PHF20L1: variants seen among roughly 807,000 people sequenced by gnomAD.
PHF20L1 encodes PHD finger protein 20 like 1.
A neutral mutation model predicts 125.5 loss-of-function variants in PHF20L1; 44 were observed. The ratio of observed to expected loss-of-function variants is 0.35; its 90% confidence interval spans 0.28 to 0.45. The LOEUF (loss-of-function observed/expected upper bound fraction) is 0.45. PHF20L1 is among the 20% of genes least tolerant of loss of function. PHF20L1 has a pLI of 1.00. For synonymous variants in PHF20L1, 380 were observed against 403.1 expected, an observed-to-expected ratio of 0.94 and a Z score of 0.69; for missense variants, 1,012 against 1,217.2, an observed-to-expected ratio of 0.83 and a Z score of 2.51.
chr8:132,839,258 T>TA (rs1837684218), intron 17 of PHF20L1, 129 bp from the exon 18 acceptor site: 1 of 708,502 alleles, frequency 1.4e-6, no homozygotes, highest in Admixed American at 2.3e-5. Flanking sequence ...AACGCTGTCT[T>TA]ACTCTTTTTG....
rs1411595405 is a variant in PHF20L1 at position 132,847,496 on chromosome 8, C to CTA, written c.*1573_*1574insTA. 6.6e-6 allele frequency: 1 copy of CTA among 152,512 alleles called. No homozygotes were observed. The highest frequency in any genetic ancestry group is 1.5e-5 in the Non-Finnish European group (1 of 67,998). 9.4% of individuals were successfully genotyped at this position (152,512 alleles called of 1,614,324 possible). On this transcript the variant is annotated 3_prime_UTR_variant, in exon 21 of 21. Coordinates refer to ENST00000395386, the MANE Select transcript of PHF20L1 (RefSeq NM_016018.5). The stretch of plus-strand genomic sequence containing the variant: ...TTTGATAAGAATACATGCCACTGTA[C>CTA]ATTCAGATATTATTTAAATTTGCAA...
rs1284818867 is a variant in PHF20L1, at chr8:132,810,895, A to C, written c.848-151A>C. 9.9e-6 allele frequency: 6 copies of C among 603,388 alleles called. No individual in the cohort carries two copies. The Admixed American group carries it at 1.6e-4, about 16-fold the overall frequency. 37.4% of individuals were successfully genotyped at this position (603,388 alleles called of 1,614,324 possible). ...TCAGTCCCTTGGCTTATTATTAAGCATATTTGTATTTTTGAAAAGAAAACA... is the reference window on the plus strand; with the variant it reads ...TCAGTCCCTTGGCTTATTATTAAGCCTATTTGTATTTTTGAAAAGAAAACA... On this transcript the variant is annotated intron_variant, in intron 8 of 20. Coordinates refer to ENST00000395386, the MANE Select transcript of PHF20L1 (RefSeq NM_016018.5).
intron 6 of PHF20L1, 79 bp downstream of exon 6, chr8:132,799,251 A>T: frequency 1.3e-6 from 1 of 770,204 alleles, no homozygotes; most frequent in Non-Finnish European, 2.1e-6. Flanking sequence ...AATTTTTAAT[A>T]TAAAAATTTA....
intron 12 of PHF20L1, among the ~76,000 whole-genome samples, chr8:132,821,769 ACT>A (rs1304460148): frequency 6.6e-6 from 1 of 150,956 alleles, no homozygotes; most frequent in African/African-American, 2.4e-5. Flanking sequence ...TGCCTCTCTG[ACT>A]CTAACTAGAG....
intron 17 of PHF20L1, 136 bp from the exon 18 acceptor site, chr8:132,839,251 G>A (rs532799469): frequency 1.2e-5 from 8 of 667,298 alleles, no homozygotes; most frequent in South Asian, 5.6e-5. Context: ...TCCTCAGAAC[G>A]CTGTCTTACT....
At chr8:132,814,467 TTTAG>T (rs1327186273) in intron 9 of PHF20L1, among the ~76,000 whole-genome samples, 166 bp from the exon 10 acceptor site, 1 of 151,924 alleles carries the variant, frequency 6.6e-6, no homozygotes, top group Non-Finnish European at 1.5e-5. Flanking sequence ...CTATTCAACT[TTTAG>T]TTAATAATTT....
chr8:132,840,534 G>A (rs1355604261), intron 18 of PHF20L1, among the ~76,000 whole-genome samples: 1 of 152,066 alleles, frequency 6.6e-6, no homozygotes, highest in Non-Finnish European at 1.5e-5. Flanking sequence ...GCATCTTCCT[G>A]TTGCCCAATG....
chr8:132,826,034 A>T (rs1025178682), intron 14 of PHF20L1: 5 of 152,196 alleles, frequency 3.3e-5, no homozygotes, highest in Admixed American at 2.0e-4. Flanking sequence ...ATTTATTTTA[A>T]ATGATTTAAG....
chr8:132,830,949 C>T (rs1003108204), intron 14 of PHF20L1, among the ~76,000 whole-genome samples: 3 of 151,964 alleles, frequency 2.0e-5, no homozygotes, highest in Admixed American at 6.6e-5. Context: ...TTGATAATGC[C>T]GTCTTAGCTC....
chr8:132,797,989 C>G (rs969386246), intron 4 of PHF20L1, among the ~76,000 whole-genome samples: 4 of 151,994 alleles, frequency 2.6e-5, no homozygotes, highest in Non-Finnish European at 5.9e-5. Flanking sequence ...ATTTATATAT[C>G]TTCTAATAGT....
intron 14 of PHF20L1, among the ~76,000 whole-genome samples, chr8:132,828,486 T>G (rs1349786024): frequency 1.3e-5 from 2 of 151,970 alleles, no homozygotes; most frequent in African/African-American, 2.4e-5. Context: ...TTTATCAAAC[T>G]GTGTATTCTT....
intron 6 of PHF20L1, among the ~76,000 whole-genome samples, chr8:132,801,484 A>C (rs988332459): frequency 1.3e-5 from 2 of 151,760 alleles, no homozygotes; most frequent in Non-Finnish European, 3.0e-5. Flanking sequence ...GCAATATTCT[A>C]TTATGTTATC....
intron 2 of PHF20L1, among the ~76,000 whole-genome samples, chr8:132,792,163 A>C (rs946626954): frequency 1.3e-5 from 2 of 152,334 alleles, no homozygotes; most frequent in East Asian, 1.9e-4. Flanking sequence ...AGGACAAATT[A>C]AGCACATGAA....
intron 14 of PHF20L1, among the ~76,000 whole-genome samples, chr8:132,831,303 C>G (rs559714166): frequency 1.3e-5 from 2 of 152,056 alleles, no homozygotes; most frequent in Non-Finnish European, 1.5e-5. Flanking sequence ...TACAGCTTGC[C>G]AAATGTGGCA....
In PHF20L1 at chr8:132,804,276, A is replaced by C. The variant is rs141362829; in HGVS notation, c.721+244A>C. ...TGAATAGAAATAGGTTGAGATTTTG[A>C]TTTATAACTTCTTGATAGCAGGTTT... On this transcript the variant is annotated intron_variant, in intron 7 of 20. Coordinates refer to ENST00000395386, the MANE Select transcript of PHF20L1 (RefSeq NM_016018.5). Among the ~76,000 whole-genome samples the C allele has an allele frequency of 5.2e-3, 794 of 151,982 alleles. 2 individuals are homozygous for C. Among genetic ancestry groups the C allele is most frequent in the Non-Finnish European group, 7.4e-3 (505 of 67,896 alleles).
At chr8:132,824,990 T>G in intron 13 of PHF20L1, 1 of 1,366,502 alleles carries the variant, frequency 7.3e-7, no homozygotes, top group Non-Finnish European at 9.8e-7. Flanking sequence ...AAATTGAGAA[T>G]ATTACTCATT....
At chr8:132,812,812 T>C in intron 9 of PHF20L1, 1 of 979,782 alleles carries the variant, frequency 1.0e-6, no homozygotes, top group African/African-American at 1.7e-5. Flanking sequence ...CCTAATGAGT[T>C]AAAGTAATGT....
chr8:132,817,553 A>C lies in PHF20L1; in HGVS notation c.1579+8A>C. 1 of 1,587,380 alleles carries C rather than the reference A, an allele frequency of 6.3e-7. No homozygotes were observed. Among genetic ancestry groups the C allele is most frequent in the Non-Finnish European group, 8.6e-7 (1 of 1,164,832 alleles). The stretch of plus-strand genomic sequence containing the variant: ...GAGCTCCAGCAGCAGCAGGTAAAAG[A>C]AAAAAAATAAAGGCTCCTATAAGTA... On this transcript the variant is annotated splice_region_variant and intron_variant, in intron 12 of 20. Transcript: ENST00000395386.
At chr8:132,799,014 C>A (rs1447937478) in intron 5 of PHF20L1, 81 bp from the exon 6 acceptor site, 3 of 1,293,884 alleles carry the variant, frequency 2.3e-6, no homozygotes, top group African/African-American at 2.9e-5. Flanking sequence ...GAAGCTTAGA[C>A]TGTAAAATAA....
Sources: gnomAD v4.1 joint callset for allele counts (sites outside exome capture counted in the v4.1 genomes callset) on GRCh38, gnomAD v4.1.1 for gene constraint, MANE v1.5 for transcripts, NCBI Gene and HGNC (gene_info 2026-07-23, HGNC 2026-07-21) for gene names.